The following GPC5 variants were observed in gnomAD, a reference collection of about 807,000 sequenced individuals.
GPC5 encodes the protein glypican-5.
Under a neutral mutation model 53.9 loss-of-function variants are expected in GPC5, and 47 were observed. The observed-to-expected ratio is 0.87, with a 90% CI of 0.69 to 1.11. GPC5 has a LOEUF of 1.11. Ranked by LOEUF, GPC5 falls within the 50% of genes most tolerant of loss-of-function variation. The pLI, the probability that GPC5 is intolerant of heterozygous loss-of-function variation, is 0.00. For missense variants in GPC5, 748 were observed against 713.1 expected (o/e 1.05, Z -0.56); for synonymous variants, 286 against 263.3 (o/e 1.09, Z -0.84).
At chr13:91,692,940 G>C (rs2035788132) in intron 2 of GPC5, among the ~76,000 whole-genome samples, 1 of 152,158 alleles carries the variant, frequency 6.6e-6, no homozygotes, top group South Asian at 2.1e-4. Context: ...CACCACGCCT[G>C]GTGATTTCAT....
In GPC5 at chr13:91,943,349, C is replaced by CT. The variant is rs879770113; in HGVS notation, c.1401+35303dup. ...AGAAAAGTTTATTGCTTCACTGAAG[C>CT]TTTTTTTTTTTAACTGACCATCTAT... On this transcript the variant is annotated intron_variant, in intron 6 of 7. Transcript: ENST00000377067. 4.6e-3 allele frequency among the ~76,000 whole-genome samples: 665 copies of CT among 145,562 alleles called. 5 individuals are homozygous for CT. Among genetic ancestry groups the CT allele is most frequent in the African/African-American group, 0.015 (597 of 39,944 alleles).
rs369567270 is a variant in GPC5 at position 91,937,477 on chromosome 13, G to A, written c.1401+29420G>A. On this transcript the variant is annotated intron_variant, in intron 6 of 7. Coordinates refer to ENST00000377067, the MANE Select transcript of GPC5 (RefSeq NM_004466.6). ...GTGGCACAATGTTGAAATCCTCACC[G>A]GTAAATGCCTTAATATTGATCTTTT... Among the ~76,000 whole-genome samples, 13 of 152,120 alleles carry A rather than the reference G, an allele frequency of 8.5e-5. No homozygotes were observed. In the South Asian group the frequency reaches 1.0e-3, roughly 12 times the overall value.
At chr13:91,969,266 C>T (rs1347158619) in intron 6 of GPC5, among the ~76,000 whole-genome samples, 2 of 152,190 alleles carry the variant, frequency 1.3e-5, no homozygotes, top group Non-Finnish European at 2.9e-5. Flanking sequence ...CATGCCTGAC[C>T]TATTTTTCTT....
Position 91,693,271 on chromosome 13 carries a change from C to T in GPC5, c.410C>T (p.Ala137Val), listed in dbSNP as rs1315478631. The T allele has an allele frequency of 6.2e-7, 1 of 1,614,080 alleles. No homozygotes were observed. Among genetic ancestry groups the T allele is most frequent in the South Asian group, 1.1e-5 (1 of 91,068 alleles). The change falls in exon 3 of 8, where the codon GCT (alanine) becomes GTT (valine). Residue 137 changes from alanine to valine, a missense_variant. Ala to Val is a moderately conservative substitution (Grantham distance 64, BLOSUM62 0). Transcript: ENST00000377067. ...CSTYRNMALE[A>V]AASVQEFFTD... ...ACCTACAGGAACATGGCCTTGGAGGCTGCTGCTTCGGTTCAGGAGTTCTTC... is the reference window on the plus strand; with the variant it reads ...ACCTACAGGAACATGGCCTTGGAGGTTGCTGCTTCGGTTCAGGAGTTCTTC...
intron 7 of GPC5, among the ~76,000 whole-genome samples, chr13:92,574,903 T>C (rs1193949128): frequency 6.6e-6 from 1 of 152,154 alleles, no homozygotes; most frequent in Non-Finnish European, 1.5e-5. Flanking sequence ...TATCTCAGAA[T>C]GGACCAAAAG....
At chr13:91,553,175 G>A (rs2030747138) in intron 2 of GPC5, among the ~76,000 whole-genome samples, 1 of 136,636 alleles carries the variant, frequency 7.3e-6, no homozygotes, top group Non-Finnish European at 1.6e-5. Context: ...GGGTAAATGA[G>A]TTTGAAGTAG....
intron 6 of GPC5, among the ~76,000 whole-genome samples, chr13:91,944,321 C>T (rs774896247): frequency 3.3e-5 from 5 of 152,138 alleles, no homozygotes; most frequent in Non-Finnish European, 5.9e-5. Context: ...TGGTCTCGAT[C>T]TCCTGACCTC....
At chr13:92,830,396 C>A (rs1878008832) in intron 7 of GPC5, among the ~76,000 whole-genome samples, 1 of 151,234 alleles carries the variant, frequency 6.6e-6, no homozygotes, top group African/African-American at 2.4e-5. Context: ...GGGCTTGGTT[C>A]ACATGATTAC....
intron 7 of GPC5, among the ~76,000 whole-genome samples, chr13:92,840,865 T>C (rs1292218097): frequency 6.6e-6 from 1 of 152,098 alleles, no homozygotes; most frequent in African/African-American, 2.4e-5. Flanking sequence ...TTTCATGGTA[T>C]TATAAATGAA....
chr13:91,538,373 C>A (rs767020468), intron 2 of GPC5, among the ~76,000 whole-genome samples: 12 of 151,954 alleles, frequency 7.9e-5, no homozygotes, highest in Non-Finnish European at 1.5e-4. Context: ...GTAGTTGTAA[C>A]CTTTTTGAAT....
rs117344424 is a variant in GPC5 at position 91,447,035 on chromosome 13, G to A, written c.164-1726G>A. Among the ~76,000 whole-genome samples, 544 of 152,290 alleles carry A rather than the reference G, an allele frequency of 3.6e-3. 9 individuals are homozygous for A. Among genetic ancestry groups the A allele is most frequent in the East Asian group, 0.027 (139 of 5,172 alleles). On this transcript the variant is annotated intron_variant, in intron 1 of 7. Coordinates refer to ENST00000377067, the MANE Select transcript of GPC5 (RefSeq NM_004466.6). ...GAAGAGTACAAAGGCCAATGTTTCCGGAGATGAGACTGGAGAGGGAGGGAG... is the reference window on the plus strand; with the variant it reads ...GAAGAGTACAAAGGCCAATGTTTCCAGAGATGAGACTGGAGAGGGAGGGAG...
intron 7 of GPC5, among the ~76,000 whole-genome samples, chr13:92,393,221 A>G (rs1875104606): frequency 6.7e-6 from 1 of 148,852 alleles, no homozygotes; most frequent in African/African-American, 2.6e-5. Flanking sequence ...ATGCAGCCAT[A>G]AAAAAGAATG....
intron 7 of GPC5, among the ~76,000 whole-genome samples, chr13:92,506,002 G>T (rs145303794): frequency 2.3e-4 from 35 of 152,234 alleles, no homozygotes; most frequent in African/African-American, 8.4e-4. Flanking sequence ...GAGAATGGGG[G>T]AATGGAATAT....
intron 7 of GPC5, among the ~76,000 whole-genome samples, chr13:92,685,638 T>C (rs2139228735): frequency 8.0e-6 from 1 of 125,716 alleles, no homozygotes; most frequent in South Asian, 2.9e-4. Context: ...TGTATACATG[T>C]GCCATGCTGG....
intron 7 of GPC5, among the ~76,000 whole-genome samples, chr13:92,601,308 C>A (rs190119939): frequency 6.6e-6 from 1 of 152,018 alleles, no homozygotes. Context: ...GTAATCCTAG[C>A]ACTTTGGGAG....
chr13:91,970,191 G>T (rs1011944103), intron 6 of GPC5, among the ~76,000 whole-genome samples: 3 of 152,124 alleles, frequency 2.0e-5, no homozygotes, highest in South Asian at 2.1e-4. Context: ...AATACCACAT[G>T]ATTTAATTTA....
At chr13:92,214,383 T>G (rs1235217212) in intron 7 of GPC5, among the ~76,000 whole-genome samples, 1 of 152,222 alleles carries the variant, frequency 6.6e-6, no homozygotes, top group Non-Finnish European at 1.5e-5. Flanking sequence ...ATTATTGAAG[T>G]GTCCACCTAA....
chr13:92,333,970 C>T (rs868709446), intron 7 of GPC5, among the ~76,000 whole-genome samples: 1 of 151,976 alleles, frequency 6.6e-6, no homozygotes, highest in South Asian at 2.1e-4. Context: ...AACAAAAAAA[C>T]CAAATACTAT....
intron 1 of GPC5, among the ~76,000 whole-genome samples, chr13:91,414,416 A>AATTACC (rs1430969004): frequency 6.6e-6 from 1 of 152,214 alleles, no homozygotes; most frequent in Non-Finnish European, 1.5e-5. Flanking sequence ...TTCTGTTATA[A>AATTACC]ATTACCCAGT....
Sources: gnomAD v4.1 joint callset for allele counts (sites outside exome capture counted in the v4.1 genomes callset) on GRCh38, gnomAD v4.1.1 for gene constraint, MANE v1.5 for transcripts, NCBI Gene and HGNC (gene_info 2026-07-23, HGNC 2026-07-21) for gene names.